The following SLC35F4 variants were observed in gnomAD, a reference collection of about 807,000 sequenced individuals.
SLC35F4 encodes chromosome 14 open reading frame 36.
In SLC35F4, 24 loss-of-function variants were observed where a neutral mutation model predicts 44.2. That is an observed-to-expected ratio of 0.54 (90% CI 0.39 to 0.76). The LOEUF (loss-of-function observed/expected upper bound fraction) is 0.76. Ranked by LOEUF, SLC35F4 falls within the 30% of genes least tolerant of loss-of-function variation. SLC35F4 has a pLI of 0.00. For missense variants in SLC35F4, 562 were observed against 586.1 expected (o/e 0.96, Z 0.42); for synonymous variants, 238 against 223.6 (o/e 1.06, Z -0.57).
At chr14:57,982,670 G>A (rs1005896641), upstream of SLC35F4, among the ~76,000 whole-genome samples, 1 of 152,080 alleles carries the variant, frequency 6.6e-6, no homozygotes, top group Non-Finnish European at 1.5e-5. Context: ...TGGTGGGGTC[G>A]TTAAATCTCA....
intron 4 of SLC35F4, among the ~76,000 whole-genome samples, chr14:57,578,221 A>G (rs1291884526): frequency 6.6e-6 from 1 of 151,604 alleles, no homozygotes; most frequent in Admixed American, 6.6e-5. Flanking sequence ...AGCTAAGCAT[A>G]TGAAAATTAT....
intron 1 of SLC35F4, among the ~76,000 whole-genome samples, chr14:57,719,936 G>T (rs2076042757): frequency 1.3e-5 from 2 of 152,090 alleles, no homozygotes; most frequent in Admixed American, 1.3e-4. Flanking sequence ...TACAATAATA[G>T]CTGTGAGCCT....
At chr14:57,618,898 C>A (rs2072016416) in intron 1 of SLC35F4, among the ~76,000 whole-genome samples, 1 of 152,162 alleles carries the variant, frequency 6.6e-6, no homozygotes, top group African/African-American at 2.4e-5. Context: ...GGTGGTTTTA[C>A]ACTCACAGTG....
chr14:57,586,943 A>C (rs1420278959), intron 3 of SLC35F4, among the ~76,000 whole-genome samples: 2 of 59,194 alleles, frequency 3.4e-5, no homozygotes, highest in Non-Finnish European at 7.1e-5. Context: ...CAAAGAACTT[A>C]AACAAATTTA....
At chr14:57,793,196 T>C (rs1031648129) in intron 1 of SLC35F4, among the ~76,000 whole-genome samples, 1 of 152,020 alleles carries the variant, frequency 6.6e-6, no homozygotes, top group Non-Finnish European at 1.5e-5. Flanking sequence ...GGGGTGAATC[T>C]GAGAAAAATA....
chr14:57,649,119 C>CTCACACCTT (rs1236908628), intron 1 of SLC35F4, among the ~76,000 whole-genome samples: 1 of 152,214 alleles, frequency 6.6e-6, no homozygotes, highest in Non-Finnish European at 1.5e-5. Flanking sequence ...GTTGAAACTT[C>CTCACACCTT]TCACACCTTT....
chr14:57,780,367 C>A (rs956794410), intron 1 of SLC35F4, among the ~76,000 whole-genome samples: 1 of 152,066 alleles, frequency 6.6e-6, no homozygotes, highest in African/African-American at 2.4e-5. Flanking sequence ...CCTAGGATTA[C>A]AGCTAACCAA....
chr14:57,628,885 C>G (rs868540154), intron 1 of SLC35F4, among the ~76,000 whole-genome samples: 2 of 151,914 alleles, frequency 1.3e-5, no homozygotes, highest in African/African-American at 4.8e-5. Flanking sequence ...CAATTGTATA[C>G]GTAGAAATCA....
chr14:57,651,349 T>G (rs533566577), intron 1 of SLC35F4, among the ~76,000 whole-genome samples: 5 of 152,220 alleles, frequency 3.3e-5, no homozygotes, highest in African/African-American at 1.2e-4. Flanking sequence ...TACCAAGAAT[T>G]CTGAGAAGTG....
intron 1 of SLC35F4, among the ~76,000 whole-genome samples, chr14:57,902,366 C>A (rs1889019495): frequency 6.6e-6 from 1 of 152,010 alleles, no homozygotes; most frequent in Admixed American, 6.6e-5. Context: ...GAGTTTGAGA[C>A]CAGCCTGACC....
chr14:57,805,756 T>C (rs1881246204), intron 1 of SLC35F4, among the ~76,000 whole-genome samples: 1 of 152,200 alleles, frequency 6.6e-6, no homozygotes, highest in South Asian at 2.1e-4. Flanking sequence ...CTGCACATCC[T>C]TCACATGTAC....
At chr14:57,727,325 T>G (rs1384656264) in intron 1 of SLC35F4, among the ~76,000 whole-genome samples, 1 of 151,942 alleles carries the variant, frequency 6.6e-6, no homozygotes, top group African/African-American at 2.4e-5. Flanking sequence ...CTGGCTAAAG[T>G]TTTGTCAATT....
chr14:57,794,469 A>G (rs2078006170), intron 1 of SLC35F4, among the ~76,000 whole-genome samples: 2 of 152,174 alleles, frequency 1.3e-5, no homozygotes. Context: ...ATCATCAGGG[A>G]AATGCAAATT....
At chr14:57,918,177 G>A (rs1249642126) in intron 1 of SLC35F4, among the ~76,000 whole-genome samples, 1 of 152,168 alleles carries the variant, frequency 6.6e-6, no homozygotes, top group Non-Finnish European at 1.5e-5. Flanking sequence ...ATTTTTCTCT[G>A]ATACTTACTG....
At chr14:57,907,478 A>G (rs184664092) in intron 1 of SLC35F4, among the ~76,000 whole-genome samples, 1 of 152,318 alleles carries the variant, frequency 6.6e-6, no homozygotes. Context: ...TCCTCTTCTT[A>G]GCAAATAGTG....
At chr14:57,923,202 C>A (rs1414260) in intron 1 of SLC35F4, among the ~76,000 whole-genome samples, 2 of 151,898 alleles carry the variant, frequency 1.3e-5, no homozygotes, top group African/African-American at 2.4e-5. Context: ...CCTTCAAACA[C>A]TTTCTCAAAG....
At chr14:57,630,053 G>C in intron 1 of SLC35F4, 1 of 539,142 alleles carries the variant, frequency 1.9e-6, no homozygotes, top group Non-Finnish European at 3.8e-6. Flanking sequence ...CGCTGTCCAA[G>C]AGGATTTGCT....
chr14:57,952,122 C>T (rs564263469), intron 1 of SLC35F4, among the ~76,000 whole-genome samples: 51 of 152,284 alleles, frequency 3.3e-4, no homozygotes, highest in Non-Finnish European at 5.9e-4. Context: ...TTGCAGCCTT[C>T]GCTGGTGATA....
At chr14:57,719,337 G>C (rs2076022927) in intron 1 of SLC35F4, among the ~76,000 whole-genome samples, 1 of 152,132 alleles carries the variant, frequency 6.6e-6, no homozygotes, top group South Asian at 2.1e-4. Flanking sequence ...TTTTAGGATT[G>C]TTTTTCCATT....
Sources: allele counts gnomAD v4.1 joint callset (sites outside exome capture counted in the v4.1 genomes callset), GRCh38; gene constraint gnomAD v4.1.1; transcripts MANE v1.5; gene names NCBI Gene and HGNC (gene_info 2026-07-23, HGNC 2026-07-21).